The following SAMD4A variants were observed in gnomAD, a reference collection of about 807,000 sequenced individuals.
SAMD4A encodes protein Smaug homolog 1.
Under a neutral mutation model 81.3 loss-of-function variants are expected in SAMD4A, and 33 were observed. The observed-to-expected ratio is 0.41, with a 90% CI of 0.31 to 0.54. SAMD4A has a LOEUF of 0.54. Ranked by LOEUF, SAMD4A falls within the 20% of genes least tolerant of loss-of-function variation. SAMD4A has a pLI of 0.37. For synonymous variants in SAMD4A, 389 were observed against 382.1 expected (o/e 1.02, Z -0.21); for missense variants, 854 against 951.1 (o/e 0.90, Z 1.34).
chr14:54,678,679 G>A (rs1172078786), intron 2 of SAMD4A, among the ~76,000 whole-genome samples: 1 of 151,374 alleles, frequency 6.6e-6, no homozygotes, highest in Admixed American at 6.6e-5. Context: ...CTCCTGAGTA[G>A]CTGGGACTAC....
chr14:54,639,633 T>G (rs2035122165), intron 2 of SAMD4A, among the ~76,000 whole-genome samples: 1 of 152,070 alleles, frequency 6.6e-6, no homozygotes, highest in Non-Finnish European at 1.5e-5. Context: ...TTATGTGGAG[T>G]CTTCATCCCA....
chr14:54,605,902 A>G (rs1357847664), intron 2 of SAMD4A, among the ~76,000 whole-genome samples: 1 of 152,156 alleles, frequency 6.6e-6, no homozygotes, highest in African/African-American at 2.4e-5. Context: ...AGGAACTCAT[A>G]TATTTACAAC....
chr14:54,681,517 A>G (rs376655887), intron 2 of SAMD4A, among the ~76,000 whole-genome samples: 4 of 151,840 alleles, frequency 2.6e-5, no homozygotes, highest in South Asian at 2.1e-4. Flanking sequence ...GCAGCCTTGA[A>G]CTCCCTGACT....
chr14:54,578,815 C>A (rs905230799), intron 2 of SAMD4A, among the ~76,000 whole-genome samples: 7 of 152,124 alleles, frequency 4.6e-5, no homozygotes, highest in Non-Finnish European at 8.8e-5. Flanking sequence ...TTATGAAATA[C>A]ACCTGTAGAT....
intron 2 of SAMD4A, among the ~76,000 whole-genome samples, chr14:54,652,468 C>T (rs138853915): frequency 1.6e-3 from 250 of 152,228 alleles, no homozygotes; most frequent in African/African-American, 5.4e-3. Context: ...AGGACTGGGG[C>T]GGGGAGCTGC....
chr14:54,644,678 A>G (rs965265696), intron 2 of SAMD4A, among the ~76,000 whole-genome samples: 12 of 152,204 alleles, frequency 7.9e-5, no homozygotes, highest in African/African-American at 2.9e-4. Context: ...GTTCAGCTTT[A>G]ATTCTAATGG....
At chr14:54,767,567 C>CA (rs1455523347) in intron 8 of SAMD4A, among the ~76,000 whole-genome samples, 1 of 152,228 alleles carries the variant, frequency 6.6e-6, no homozygotes, top group Non-Finnish European at 1.5e-5. Context: ...GCTGGGACAC[C>CA]ATAGCCATCT....
intron 11 of SAMD4A, among the ~76,000 whole-genome samples, chr14:54,779,170 C>G (rs1178829920): frequency 6.6e-6 from 1 of 152,160 alleles, no homozygotes; most frequent in Non-Finnish European, 1.5e-5. Flanking sequence ...GCAGTGCAAT[C>G]TGGTTCGCTA....
At chr14:54,772,838 A>C (rs1282699940) in intron 9 of SAMD4A, among the ~76,000 whole-genome samples, 1 of 149,060 alleles carries the variant, frequency 6.7e-6, no homozygotes, top group African/African-American at 2.4e-5. Flanking sequence ...AAAAAAAAAA[A>C]CACTCGGCCC....
At chr14:54,636,380 T>A (rs2035036121) in intron 2 of SAMD4A, among the ~76,000 whole-genome samples, 1 of 152,168 alleles carries the variant, frequency 6.6e-6, no homozygotes, top group Admixed American at 6.5e-5. Flanking sequence ...CTGGGAATCA[T>A]GCAGGGCCTT....
chr14:54,603,577 G>T (rs1279787680), intron 2 of SAMD4A, among the ~76,000 whole-genome samples: 1 of 151,974 alleles, frequency 6.6e-6, no homozygotes, highest in Non-Finnish European at 1.5e-5. Flanking sequence ...TTAAATGGTT[G>T]TACAGGCATT....
intron 4 of SAMD4A, 23 bp from the exon 5 acceptor site, chr14:54,748,792 C>G (rs761863481): frequency 2.0e-6 from 3 of 1,484,424 alleles, no homozygotes; most frequent in Middle Eastern, 1.7e-4. Context: ...CTCTCCCCAT[C>G]TCTTGCACAT....
chr14:54,685,094 T>C (rs144188328), intron 2 of SAMD4A, among the ~76,000 whole-genome samples: 16 of 151,880 alleles, frequency 1.1e-4, no homozygotes, highest in African/African-American at 3.9e-4. Context: ...GATTTATCTT[T>C]TTGTATTTTT....
chr14:54,758,567 C>A (rs930923857), intron 6 of SAMD4A, among the ~76,000 whole-genome samples: 1 of 152,202 alleles, frequency 6.6e-6, no homozygotes, highest in Admixed American at 6.5e-5. Context: ...TGGTGGCTCA[C>A]GCCTGTAATC....
chr14:54,660,310 T>C (rs1174938832), intron 2 of SAMD4A, among the ~76,000 whole-genome samples: 1 of 152,204 alleles, frequency 6.6e-6, no homozygotes, highest in African/African-American at 2.4e-5. Flanking sequence ...AGAAGCTAGG[T>C]AGGGTAGCTT....
intron 2 of SAMD4A, among the ~76,000 whole-genome samples, chr14:54,621,605 AC>A (rs1018852173): frequency 2.7e-5 from 4 of 145,758 alleles, no homozygotes; most frequent in African/African-American, 1.0e-4. Flanking sequence ...CAAGCTATCC[AC>A]CCGCCTCAGC....
At position 54,793,189 on chromosome 14, in the gene SAMD4A, G is replaced by A. The variant is rs1460222866; in HGVS notation, c.*4245G>A. The A allele has an allele frequency of 6.6e-6, 1 of 152,154 alleles. No homozygotes were observed. Among genetic ancestry groups the A allele is most frequent in the Non-Finnish European group, 1.5e-5 (1 of 68,042 alleles). The allele number at this position is 152,154 out of a possible 1,614,324, so 9.4% of individuals were successfully genotyped here. ...TTGTTACCAGTGAAACACCCTTGTG[G>A]TTTAAACTTGCTACAATGTATTTAT... On this transcript the variant is annotated 3_prime_UTR_variant, in exon 13 of 13. Coordinates refer to ENST00000554335, the MANE Select transcript of SAMD4A (RefSeq NM_015589.6).
chr14:54,606,996 A>G (rs999083297), intron 2 of SAMD4A, among the ~76,000 whole-genome samples: 37 of 152,138 alleles, frequency 2.4e-4, no homozygotes, highest in African/African-American at 8.4e-4. Flanking sequence ...CAGGGAGTGG[A>G]CTCACCAGAG....
chr14:54,771,170 TG>T (rs1270048457), intron 9 of SAMD4A, among the ~76,000 whole-genome samples: 1 of 152,166 alleles, frequency 6.6e-6, no homozygotes, highest in African/African-American at 2.4e-5. Flanking sequence ...AAAGACTTCA[TG>T]AAAGATTAAT....
Sources: allele counts gnomAD v4.1 joint callset (sites outside exome capture counted in the v4.1 genomes callset), GRCh38; gene constraint gnomAD v4.1.1; transcripts MANE v1.5; gene names NCBI Gene and HGNC (gene_info 2026-07-23, HGNC 2026-07-21).